ITGB5: variants seen among roughly 807,000 people sequenced by gnomAD.
ITGB5 encodes integrin beta-5.
Under a neutral mutation model 84.8 loss-of-function variants are expected in ITGB5, and 38 were observed. The ratio of observed to expected loss-of-function variants is 0.45; its 90% confidence interval spans 0.35 to 0.59. The LOEUF is 0.59. Among genes scored for constraint, ITGB5 ranks in the 20% least tolerant of loss-of-function variants. The probability of loss-of-function intolerance (pLI) is 0.01; values close to 1 mark genes in which losing one functional copy is unlikely to be tolerated. For synonymous variants in ITGB5, 393 were observed against 414.4 expected, an observed-to-expected ratio of 0.95 and a Z score of 0.63; for missense variants, 905 against 1,034.5, an observed-to-expected ratio of 0.87 and a Z score of 1.72.
intron 4 of ITGB5, 141 bp from the exon 5 acceptor site, chr3:124,841,692 G>A (rs1480694062): frequency 8.4e-6 from 6 of 711,964 alleles, no homozygotes; most frequent in Non-Finnish European, 1.4e-5. Flanking sequence ...GACAGGCACA[G>A]CAGAGAGAGC....
intron 8 of ITGB5, among the ~76,000 whole-genome samples, chr3:124,815,084 A>G (rs974221268): frequency 3.3e-5 from 5 of 152,226 alleles, no homozygotes; most frequent in Non-Finnish European, 5.9e-5. Context: ...ATGTAGATAT[A>G]TGAGAAATCC....
intron 2 of ITGB5, among the ~76,000 whole-genome samples, chr3:124,861,477 A>C (rs1321645180): frequency 9.5e-6 from 1 of 105,602 alleles, no homozygotes; most frequent in Non-Finnish European, 1.9e-5. Flanking sequence ...AAAACAAAAC[A>C]AAACATATAT....
intron 10 of ITGB5, among the ~76,000 whole-genome samples, chr3:124,781,840 C>T (rs2064010024): frequency 6.6e-6 from 1 of 152,190 alleles, no homozygotes; most frequent in Non-Finnish European, 1.5e-5. Context: ...CTGTGCAACT[C>T]CTCAGACTTG....
At chr3:124,858,918 G>A (rs1395472564) in intron 3 of ITGB5, among the ~76,000 whole-genome samples, 2 of 152,244 alleles carry the variant, frequency 1.3e-5, no homozygotes, top group Non-Finnish European at 2.9e-5. Context: ...TCCGGAAATA[G>A]ATACTGCTGA....
intron 5 of ITGB5, among the ~76,000 whole-genome samples, chr3:124,821,992 T>C (rs1477170028): frequency 1.3e-5 from 2 of 152,234 alleles, no homozygotes; most frequent in African/African-American, 4.8e-5. Flanking sequence ...GGTCTGTCTT[T>C]TGAGGGTTTG....
At chr3:124,781,036 CTG>C (rs1168114660) in intron 10 of ITGB5, 1 of 152,370 alleles carries the variant, frequency 6.6e-6, no homozygotes, top group Non-Finnish European at 1.5e-5. Flanking sequence ...TCGCTGGTGT[CTG>C]TGTGGCTGAG....
chr3:124,876,673 TGAGAACAAAGGTTTCCACCA>T (rs1321842238), intron 1 of ITGB5, among the ~76,000 whole-genome samples: 3 of 151,820 alleles, frequency 2.0e-5, no homozygotes, highest in Non-Finnish European at 2.9e-5. Flanking sequence ...CCACAGGGGG[TGAGAACAAAGGTTTCCACCA>T]GCCCTAACCC....
chr3:124,771,569 C>CAAGA (rs1380536347), intron 11 of ITGB5, among the ~76,000 whole-genome samples: 1 of 151,708 alleles, frequency 6.6e-6, no homozygotes, highest in Non-Finnish European at 1.5e-5. Context: ...GTCAACATAG[C>CAAGA]AAGACCCTGT....
At chr3:124,788,110 G>A (rs1421964639) in intron 10 of ITGB5, among the ~76,000 whole-genome samples, 1 of 152,020 alleles carries the variant, frequency 6.6e-6, no homozygotes, top group African/African-American at 2.4e-5. Context: ...ATGTTACCCA[G>A]GCTGGTTTTG....
At chr3:124,776,940 C>T (rs749996591) in intron 10 of ITGB5, among the ~76,000 whole-genome samples, 21 of 152,282 alleles carry the variant, frequency 1.4e-4, no homozygotes, top group Non-Finnish European at 2.6e-4. Context: ...TGTGAAAAGG[C>T]CTGTTCGCTG....
intron 4 of ITGB5, among the ~76,000 whole-genome samples, chr3:124,844,240 C>T (rs1233115529): frequency 5.3e-5 from 7 of 132,508 alleles, no homozygotes; most frequent in Non-Finnish European, 1.6e-5. Flanking sequence ...AAAGAAAACA[C>T]CAAAAAACAA....
At chr3:124,887,962 G>T (rs1464610641), upstream of ITGB5, 2 of 233,712 alleles carry the variant, frequency 8.6e-6, no homozygotes, top group Admixed American at 4.9e-5. Flanking sequence ...TCTCACTCAG[G>T]CTGGAGTGCA....
At chr3:124,774,485 A>G (rs2063894119) in intron 10 of ITGB5, among the ~76,000 whole-genome samples, 1 of 152,066 alleles carries the variant, frequency 6.6e-6, no homozygotes, top group Non-Finnish European at 1.5e-5. Context: ...GAGCCAAGGA[A>G]TGCGAGGAAT....
At chr3:124,793,882 T>G (rs2064183485) in intron 10 of ITGB5, among the ~76,000 whole-genome samples, 1 of 152,218 alleles carries the variant, frequency 6.6e-6, no homozygotes, top group South Asian at 2.1e-4. Context: ...ACTCCAGTTT[T>G]AGACATGCTG....
Position 124,821,298 on chromosome 3 carries a change from G to A in ITGB5, c.942+15C>T, listed in dbSNP as rs1579250367. 6.2e-7 allele frequency: 1 copy of A among 1,606,188 alleles called. No homozygotes were observed. Among genetic ancestry groups the A allele is most frequent in the Non-Finnish European group, 8.5e-7 (1 of 1,176,016 alleles). On this transcript the variant is annotated intron_variant, in intron 6 of 14. Transcript: ENST00000296181. ...AGAGGCAACAGGGAGGGGGGATCTG[G>A]TTCCCGGCACTCACCATCTGGTTGG...
At chr3:124,770,997 G>T (rs1232141014) in intron 11 of ITGB5, among the ~76,000 whole-genome samples, 1 of 151,170 alleles carries the variant, frequency 6.6e-6, no homozygotes, top group Non-Finnish European at 1.5e-5. Context: ...CTGATTCTCT[G>T]TTGTTAAACC....
intron 9 of ITGB5, among the ~76,000 whole-genome samples, chr3:124,798,344 C>T (rs2107520729): frequency 6.6e-6 from 1 of 152,228 alleles, no homozygotes; most frequent in East Asian, 1.9e-4. Flanking sequence ...AGCTACTGCG[C>T]CCAGTCATTA....
chr3:124,821,661 C>G (rs987968496), intron 5 of ITGB5, among the ~76,000 whole-genome samples, 187 bp from the exon 6 acceptor site: 6 of 152,232 alleles, frequency 3.9e-5, no homozygotes, highest in Non-Finnish European at 7.3e-5. Flanking sequence ...GAGACGCAGC[C>G]TGGACTGGGG....
At chr3:124,798,625 T>C (rs1446932180) in intron 9 of ITGB5, among the ~76,000 whole-genome samples, 5 of 152,028 alleles carry the variant, frequency 3.3e-5, no homozygotes, top group Non-Finnish European at 5.9e-5. Context: ...GGGGTTTCAC[T>C]GTGTTGGCCA....
Sources: gnomAD v4.1 joint callset for allele counts (sites outside exome capture counted in the v4.1 genomes callset) on GRCh38, gnomAD v4.1.1 for gene constraint, MANE v1.5 for transcripts, NCBI Gene and HGNC (gene_info 2026-07-23, HGNC 2026-07-21) for gene names.